The following KCNMB2 variants were observed in gnomAD, a reference collection of about 807,000 sequenced individuals.
KCNMB2 encodes the protein calcium-activated potassium channel subunit beta-2.
In KCNMB2, 9 loss-of-function variants were observed where a neutral mutation model predicts 24.5. The ratio of observed to expected loss-of-function variants is 0.37; its 90% CI spans 0.22 to 0.64. The LOEUF (loss-of-function observed/expected upper bound fraction) is 0.64. KCNMB2 is among the 30% of genes least tolerant of loss of function. The probability of loss-of-function intolerance (pLI) is 0.63; values close to 1 mark genes in which losing one functional copy is unlikely to be tolerated. For synonymous variants in KCNMB2, 109 were observed against 104.4 expected (o/e 1.04, Z -0.27); for missense variants, 226 against 284.3 (o/e 0.79, Z 1.47).
At chr3:178,763,512 G>A (rs1711994714) in intron 1 of KCNMB2, among the ~76,000 whole-genome samples, 1 of 152,108 alleles carries the variant, frequency 6.6e-6, no homozygotes, top group South Asian at 2.1e-4. Flanking sequence ...ACAGCTGGGA[G>A]ATTCAGTAAG....
intron 1 of KCNMB2, among the ~76,000 whole-genome samples, chr3:178,564,580 C>CT (rs957051180): frequency 2.6e-5 from 4 of 152,158 alleles, no homozygotes; most frequent in Non-Finnish European, 5.9e-5. Context: ...AGGCACAGTG[C>CT]TAGGTGATTT....
intron 1 of KCNMB2, among the ~76,000 whole-genome samples, chr3:178,550,326 C>T (rs533728219): frequency 2.2e-4 from 33 of 150,930 alleles, no homozygotes; most frequent in Admixed American, 2.0e-4. Flanking sequence ...GGCATGGTGG[C>T]GGGCACCTGT....
At chr3:178,735,656 T>C (rs1280505691) in intron 1 of KCNMB2, among the ~76,000 whole-genome samples, 1 of 152,254 alleles carries the variant, frequency 6.6e-6, no homozygotes. Flanking sequence ...TTTCTGAGCA[T>C]TGTATACATT....
intron 2 of KCNMB2, among the ~76,000 whole-genome samples, chr3:178,808,522 G>A (rs1308543404): frequency 1.3e-5 from 2 of 152,170 alleles, no homozygotes; most frequent in Non-Finnish European, 2.9e-5. Flanking sequence ...TGTTTTCAGA[G>A]CTGATACTTT....
At chr3:178,736,084 A>T (rs1723307617) in intron 1 of KCNMB2, among the ~76,000 whole-genome samples, 1 of 152,174 alleles carries the variant, frequency 6.6e-6, no homozygotes. Context: ...TTGCCCTGGG[A>T]TTCCAGACTA....
At chr3:178,811,376 C>T (rs1394054209) in intron 2 of KCNMB2, among the ~76,000 whole-genome samples, 2 of 152,052 alleles carry the variant, frequency 1.3e-5, no homozygotes, top group Non-Finnish European at 2.9e-5. Context: ...TATCATTCCC[C>T]GATTTTTTTT....
chr3:178,628,560 C>T (rs1282717215), intron 1 of KCNMB2, among the ~76,000 whole-genome samples: 1 of 152,106 alleles, frequency 6.6e-6, no homozygotes, highest in East Asian at 1.9e-4. Context: ...TAAAACTATA[C>T]AGAAAATGAT....
intron 1 of KCNMB2, among the ~76,000 whole-genome samples, chr3:178,697,069 T>C (rs908428948): frequency 4.6e-5 from 7 of 152,194 alleles, no homozygotes; most frequent in African/African-American, 1.4e-4. Flanking sequence ...ATAAGAAGAA[T>C]GTATATTCTG....
At chr3:178,662,089 C>G (rs1034214586) in intron 1 of KCNMB2, among the ~76,000 whole-genome samples, 1 of 152,188 alleles carries the variant, frequency 6.6e-6, no homozygotes, top group African/African-American at 2.4e-5. Context: ...TCCATAGGTA[C>G]TAACTCTAGA....
At chr3:178,570,600 C>T (rs1248047113) in intron 1 of KCNMB2, among the ~76,000 whole-genome samples, 1 of 145,300 alleles carries the variant, frequency 6.9e-6, no homozygotes, top group Non-Finnish European at 1.5e-5. Context: ...GACTTTTAGT[C>T]CTCAGTTCTT....
At chr3:178,735,497 T>C (rs1230841549) in intron 1 of KCNMB2, among the ~76,000 whole-genome samples, 3 of 152,228 alleles carry the variant, frequency 2.0e-5, no homozygotes, top group African/African-American at 7.2e-5. Context: ...GCTAAGGGGT[T>C]GAGAGCCCAG....
At chr3:178,751,372 A>C (rs1166138069) in intron 1 of KCNMB2, among the ~76,000 whole-genome samples, 9 of 152,062 alleles carry the variant, frequency 5.9e-5, no homozygotes, top group African/African-American at 2.4e-5. Flanking sequence ...CAACGTCAGG[A>C]GTTTGAGACC....
intron 1 of KCNMB2, among the ~76,000 whole-genome samples, chr3:178,755,058 G>T (rs984233590): frequency 6.6e-6 from 1 of 152,170 alleles, no homozygotes; most frequent in Non-Finnish European, 1.5e-5. Flanking sequence ...CTCCCCTACC[G>T]CATCTAGGAG....
intron 1 of KCNMB2, among the ~76,000 whole-genome samples, chr3:178,788,761 C>A (rs1352729820): frequency 6.6e-6 from 1 of 152,094 alleles, no homozygotes; most frequent in Non-Finnish European, 1.5e-5. Flanking sequence ...TGATGCAATG[C>A]AAAACTTATT....
At chr3:178,803,426 G>T (rs1016214772) in intron 1 of KCNMB2, among the ~76,000 whole-genome samples, 2 of 152,154 alleles carry the variant, frequency 1.3e-5, no homozygotes, top group Admixed American at 1.3e-4. Context: ...GCAAGCTAAG[G>T]GAAGGGTCAG....
At chr3:178,632,624 G>A (rs1476967873) in intron 1 of KCNMB2, among the ~76,000 whole-genome samples, 2 of 152,038 alleles carry the variant, frequency 1.3e-5, no homozygotes, top group African/African-American at 4.8e-5. Context: ...TGACACATGG[G>A]GATTACGGGA....
At chr3:178,728,612 A>G (rs946125147) in intron 1 of KCNMB2, among the ~76,000 whole-genome samples, 2 of 151,776 alleles carry the variant, frequency 1.3e-5, no homozygotes, top group Admixed American at 6.6e-5. Flanking sequence ...CCTACCAGTC[A>G]CCTCCATTAG....
intron 1 of KCNMB2, among the ~76,000 whole-genome samples, chr3:178,560,046 T>A (rs1319834271): frequency 6.8e-6 from 1 of 147,870 alleles, no homozygotes; most frequent in Non-Finnish European, 1.5e-5. Context: ...CATATCTTTT[T>A]TATTAAACAG....
chr3:178,741,130 G>C (rs1306736423), intron 1 of KCNMB2, among the ~76,000 whole-genome samples: 1 of 152,180 alleles, frequency 6.6e-6, no homozygotes, highest in Non-Finnish European at 1.5e-5. Context: ...TTGCAGTTGA[G>C]GTCTTGGCAT....
Sources: gnomAD v4.1 joint callset for allele counts (sites outside exome capture counted in the v4.1 genomes callset) on GRCh38, gnomAD v4.1.1 for gene constraint, MANE v1.5 for transcripts, NCBI Gene and HGNC (gene_info 2026-07-23, HGNC 2026-07-21) for gene names.